Variants in PRKAR1B observed in about 807,000 individuals in gnomAD.
PRKAR1B encodes the protein protein kinase cAMP-dependent type I regulatory subunit beta.
Under a neutral mutation model 46.5 loss-of-function variants are expected in PRKAR1B, and 22 were observed. That is an observed-to-expected ratio of 0.47 (90% confidence interval 0.34 to 0.68). The LOEUF (loss-of-function observed/expected upper bound fraction) is 0.68, where lower values mean the gene tolerates loss of function less well. PRKAR1B is among the 30% of genes least tolerant of loss of function. PRKAR1B has a pLI of 0.01. For missense variants in PRKAR1B, 445 were observed against 535.6 expected, an observed-to-expected ratio of 0.83 and a Z score of 1.67; for synonymous variants, 259 against 217.7, an observed-to-expected ratio of 1.19 and a Z score of -1.67.
At chr7:728,615 C>G (rs116055408), upstream of PRKAR1B, among the ~76,000 whole-genome samples, 600 of 152,352 alleles carry the variant, frequency 3.9e-3, 5 homozygotes, top group African/African-American at 0.014. Context: ...TGTATTTCTT[C>G]TTCATCCTCA....
rs1491363367 is a variant in PRKAR1B, at chr7:583,426, GCACA to G, written c.769+1078_769+1081del. 1.1e-4 allele frequency among the ~76,000 whole-genome samples: 6 copies of G among 52,428 alleles called. No homozygotes were observed. The East Asian group carries it at 1.4e-3, about 12-fold the overall frequency. The allele number at this position is 52,428 out of a possible 152,430, so 34.4% of individuals were successfully genotyped here. ...CACGTGTGCACACCCACGCACACAC[GCACA>G]CACCCACAGTGCACACTCACACCCA... On this transcript the variant is annotated intron_variant, in intron 8 of 10. Transcript: ENST00000537384.
rs1196121657 is a variant in PRKAR1B, at chr7:646,886, A to T, written c.440+30343T>A. ...CAAAAAGGCCATTAGCTGAGCTCAC[A>T]CCCGGCAGGATCACAGGCGAAGGGC... is the stretch of plus-strand genomic sequence containing the variant. On this transcript the variant is annotated intron_variant, in intron 4 of 10. Transcript: ENST00000537384. 6.6e-5 allele frequency among the ~76,000 whole-genome samples: 10 copies of T among 152,268 alleles called. No individual in the cohort carries two copies. The East Asian group carries it at 1.9e-3, about 29-fold the overall frequency.
chr7:631,695 T>G (rs957521771), intron 4 of PRKAR1B, among the ~76,000 whole-genome samples: 1 of 152,086 alleles, frequency 6.6e-6, no homozygotes, highest in Non-Finnish European at 1.5e-5. Context: ...GCCTCATGCC[T>G]GTCATCCCCG....
intron 6 of PRKAR1B, among the ~76,000 whole-genome samples, chr7:597,052 G>A (rs764297890): frequency 6.6e-5 from 10 of 152,264 alleles, no homozygotes; most frequent in Non-Finnish European, 1.0e-4. Context: ...AGTTGGGTCC[G>A]TGCAAGAATG....
At chr7:715,938 G>A (rs6971375) in intron 1 of PRKAR1B, among the ~76,000 whole-genome samples, 23,840 of 151,528 alleles carry the variant, frequency 0.16, 2,441 homozygotes, top group Middle Eastern at 0.24. Context: ...GATGGTCTCG[G>A]TCTCCTGACC....
intron 8 of PRKAR1B, among the ~76,000 whole-genome samples, chr7:583,811 T>TGC (rs1780438930): frequency 7.1e-6 from 1 of 140,762 alleles, no homozygotes; most frequent in Admixed American, 6.9e-5. Flanking sequence ...TGCACACTCA[T>TGC]GCACACACAC....
At chr7:636,458 G>A (rs897146469) in intron 4 of PRKAR1B, among the ~76,000 whole-genome samples, 4 of 150,148 alleles carry the variant, frequency 2.7e-5, no homozygotes, top group African/African-American at 1.0e-4. Flanking sequence ...GTCCTCCACC[G>A]GACTGTGCCC....
At chr7:642,821 C>T (rs1348078300) in intron 4 of PRKAR1B, among the ~76,000 whole-genome samples, 2 of 151,420 alleles carry the variant, frequency 1.3e-5, no homozygotes. Flanking sequence ...GCTGGTTTAT[C>T]AGGCAGCACA....
chr7:720,256 C>T (rs980311616), intron 1 of PRKAR1B, among the ~76,000 whole-genome samples: 1 of 152,086 alleles, frequency 6.6e-6, no homozygotes, highest in Non-Finnish European at 1.5e-5. Flanking sequence ...CAGGATTTCT[C>T]CATGTTGGCC....
At chr7:570,959 G>A (rs779863926) in intron 9 of PRKAR1B, among the ~76,000 whole-genome samples, 1 of 152,022 alleles carries the variant, frequency 6.6e-6, no homozygotes, top group Non-Finnish European at 1.5e-5. Flanking sequence ...AGCATCTCAC[G>A]CCCCTAGAAC....
chr7:599,445 C>T (rs549264182), intron 6 of PRKAR1B, among the ~76,000 whole-genome samples: 6 of 152,274 alleles, frequency 3.9e-5, no homozygotes, highest in African/African-American at 1.2e-4. Context: ...ACTGCCACCA[C>T]GCCCGGCTAA....
intron 6 of PRKAR1B, among the ~76,000 whole-genome samples, chr7:603,952 G>T (rs1367789561): frequency 1.3e-5 from 2 of 151,960 alleles, no homozygotes; most frequent in Non-Finnish European, 2.9e-5. Flanking sequence ...TGAGATTTGG[G>T]GCTGGGATAA....
intron 9 of PRKAR1B, among the ~76,000 whole-genome samples, chr7:569,586 G>A (rs1779381466): frequency 1.3e-5 from 2 of 152,210 alleles, no homozygotes; most frequent in African/African-American, 4.8e-5. Context: ...CTCCTGGGAT[G>A]ACGAGGCTGC....
Position 727,253 on chromosome 7 carries a change from C to T in PRKAR1B, c.-66G>A. ...GCGCTGCGCTGCTCCCTGCTCGACC[C>T]CTTCGCCGCCGTGCGCCGCGAGAGC... On this transcript the variant is annotated 5_prime_UTR_variant, in exon 1 of 11. Coordinates refer to ENST00000537384, the MANE Select transcript of PRKAR1B (RefSeq NM_001164760.2). 8.2e-6 allele frequency: 11 copies of T among 1,339,974 alleles called. No homozygotes were observed. Among genetic ancestry groups the T allele is most frequent in the Admixed American group, 3.7e-5 (1 of 27,064 alleles). The allele number at this position is 1,339,974 out of a possible 1,614,324, so 83.0% of individuals were successfully genotyped here. A position where few individuals can be genotyped will look rare whatever the true frequency, so the allele number is the denominator to read the frequency against.
intron 4 of PRKAR1B, among the ~76,000 whole-genome samples, chr7:649,882 G>A (rs1485639495): frequency 1.3e-5 from 2 of 150,982 alleles, no homozygotes; most frequent in Non-Finnish European, 2.9e-5. Context: ...CTGTTTTTTT[G>A]TAGAGCTTGA....
chr7:669,408 G>C (rs1348593894), intron 4 of PRKAR1B, among the ~76,000 whole-genome samples: 1 of 152,200 alleles, frequency 6.6e-6, no homozygotes, highest in Non-Finnish European at 1.5e-5. Flanking sequence ...TGGAAACAAA[G>C]AGTGGTGATG....
At chr7:558,062 C>T (rs1326634566) in intron 9 of PRKAR1B, among the ~76,000 whole-genome samples, 2 of 152,110 alleles carry the variant, frequency 1.3e-5, no homozygotes, top group Admixed American at 6.5e-5. Context: ...GCCTGTAATC[C>T]CAGCACTTTG....
intron 2 of PRKAR1B, among the ~76,000 whole-genome samples, chr7:690,297 A>G (rs1213236276): frequency 6.7e-6 from 1 of 148,868 alleles, no homozygotes; most frequent in Admixed American, 6.7e-5. Context: ...CTCTGTCTCA[A>G]AAAAAAAAAG....
At chr7:610,868 G>A (rs1562561361) in intron 4 of PRKAR1B, among the ~76,000 whole-genome samples, 1 of 152,228 alleles carries the variant, frequency 6.6e-6, no homozygotes, top group African/African-American at 2.4e-5. Flanking sequence ...CATGTGGGTT[G>A]CCCCACCTAC....
Sources: gnomAD v4.1 joint callset for allele counts (sites outside exome capture counted in the v4.1 genomes callset) on GRCh38, gnomAD v4.1.1 for gene constraint, MANE v1.5 for transcripts, NCBI Gene and HGNC (gene_info 2026-07-23, HGNC 2026-07-21) for gene names.